Variants in DPP6 observed in about 807,000 individuals in gnomAD.
DPP6 encodes dipeptidyl peptidase like 6, also known as A-type potassium channel modulatory protein DPP6.
A neutral mutation model predicts 122.6 loss-of-function variants in DPP6; 69 were observed. The observed-to-expected ratio is 0.56, with a 90% CI of 0.46 to 0.69. DPP6 has a LOEUF of 0.69. Among genes scored for constraint, DPP6 ranks in the 30% least tolerant of loss-of-function variants. The probability of loss-of-function intolerance (pLI) is 0.00; values close to 1 mark genes in which losing one functional copy is unlikely to be tolerated. For missense variants in DPP6, 928 were observed against 1,116.9 expected (o/e 0.83, Z 2.41); for synonymous variants, 418 against 433.1 (o/e 0.97, Z 0.43).
chr7:154,709,054 T>A (rs2316238), intron 7 of DPP6, among the ~76,000 whole-genome samples: 114,099 of 151,214 alleles, frequency 0.75, 45,108 homozygotes, highest in Non-Finnish European at 0.88. Context: ...TCTCAAAAAA[T>A]AAATAAAAAT....
chr7:153,997,367 A>C (rs1354459678), intron 1 of DPP6, among the ~76,000 whole-genome samples: 1 of 152,080 alleles, frequency 6.6e-6, no homozygotes, highest in African/African-American at 2.4e-5. Context: ...TTTATTTTTA[A>C]ATATTCACTT....
At chr7:154,332,350 G>A (rs1809023366) in intron 1 of DPP6, among the ~76,000 whole-genome samples, 1 of 152,252 alleles carries the variant, frequency 6.6e-6, no homozygotes, top group Admixed American at 6.5e-5. Flanking sequence ...GGGATTACAA[G>A]CGTGAGCCAC....
At chr7:154,199,757 A>G (rs1413659776) in intron 1 of DPP6, among the ~76,000 whole-genome samples, 1 of 151,972 alleles carries the variant, frequency 6.6e-6, no homozygotes, top group Non-Finnish European at 1.5e-5. Context: ...TTACAGGCAC[A>G]CACCACCATG....
rs143939626 is a variant in DPP6, at chr7:153,952,383, T to C, written c.51+64649T>C. Among the ~76,000 whole-genome samples, 6 of 152,370 alleles carry C rather than the reference T, an allele frequency of 3.9e-5. No individual in the cohort carries two copies. The East Asian group carries it at 9.6e-4, about 25-fold the overall frequency. ...AAAGATTAAGAAACTGTTTCAAAGC[T>C]ATATAGGCTGCTGATACATCACTTA... On this transcript the variant is annotated intron_variant, in intron 1 of 25. Transcript: ENST00000404039.
At chr7:154,269,507 T>C (rs12703333) in intron 1 of DPP6, among the ~76,000 whole-genome samples, 75,359 of 151,922 alleles carry the variant, frequency 0.5, 19,103 homozygotes, top group African/African-American at 0.62. Context: ...TCCCAGTAGG[T>C]TTAGCCACAC....
In DPP6 at chr7:154,520,934, G is replaced by A. The variant is rs111714738; in HGVS notation, c.458-19598G>A. Reference sequence around the variant, plus strand: ...AGTAGCATGTACCGGACAATGCCTCGTATTCTACTGAAGAAATAGCCAGTG... The same window carrying A: ...AGTAGCATGTACCGGACAATGCCTCATATTCTACTGAAGAAATAGCCAGTG... On this transcript the variant is annotated intron_variant, in intron 3 of 25. Coordinates refer to ENST00000377770, the MANE Select transcript of DPP6 (RefSeq NM_130797.4). Among the ~76,000 whole-genome samples, 744 of 152,210 alleles carry A rather than the reference G, an allele frequency of 4.9e-3. 6 individuals carry two copies. The highest frequency in any genetic ancestry group is 0.017 in the African/African-American group (711 of 41,524).
chr7:154,091,742 C>T (rs1318526255), intron 1 of DPP6, among the ~76,000 whole-genome samples: 6 of 152,072 alleles, frequency 3.9e-5, no homozygotes, highest in African/African-American at 7.3e-5. Flanking sequence ...GGAGATAGGG[C>T]GGTGTCACTG....
chr7:154,432,724 G>A (rs1818530367), intron 1 of DPP6, among the ~76,000 whole-genome samples: 1 of 152,030 alleles, frequency 6.6e-6, no homozygotes, highest in African/African-American at 2.4e-5. Context: ...GCTGAGCGTG[G>A]GTTTCAAATT....
intron 7 of DPP6, among the ~76,000 whole-genome samples, chr7:154,721,370 C>T (rs779673090): frequency 1.3e-5 from 2 of 152,160 alleles, no homozygotes; most frequent in Non-Finnish European, 2.9e-5. Flanking sequence ...CTTAACAGCT[C>T]TGTGCTCCTG....
the DPP6 span, among the ~76,000 whole-genome samples, chr7:153,809,661 A>G: frequency 6.6e-6 from 1 of 151,994 alleles, no homozygotes; most frequent in Non-Finnish European, 1.5e-5. Flanking sequence ...TGATCACCTA[A>G]ATATAATGAC....
At chr7:153,875,231 A>G in the DPP6 span, among the ~76,000 whole-genome samples, 1 of 152,210 alleles carries the variant, frequency 6.6e-6, no homozygotes, top group Non-Finnish European at 1.5e-5. Flanking sequence ...AATGAAAATA[A>G]ATGCCAAAAT....
chr7:154,757,466 G>C (rs1023848541), intron 8 of DPP6, among the ~76,000 whole-genome samples: 6 of 152,238 alleles, frequency 3.9e-5, no homozygotes, highest in African/African-American at 1.4e-4. Flanking sequence ...AACCAAGATG[G>C]GATCAATAGT....
chr7:154,406,542 C>T (rs1215625278), intron 1 of DPP6, among the ~76,000 whole-genome samples: 1 of 151,982 alleles, frequency 6.6e-6, no homozygotes, highest in Non-Finnish European at 1.5e-5. Flanking sequence ...CACACACGCA[C>T]CTGCACACAC....
chr7:154,564,819 G>A (rs1352606352), intron 4 of DPP6, among the ~76,000 whole-genome samples: 1 of 152,192 alleles, frequency 6.6e-6, no homozygotes, highest in East Asian at 1.9e-4. Context: ...GAAGATTCGA[G>A]TTGTCCAATG....
At chr7:153,875,469 A>G in the DPP6 span, among the ~76,000 whole-genome samples, 1 of 152,034 alleles carries the variant, frequency 6.6e-6, no homozygotes, top group Non-Finnish European at 1.5e-5. Flanking sequence ...ATTGTACAAA[A>G]CAATGATTAG....
chr7:154,565,772 G>T (rs551044776), intron 4 of DPP6, among the ~76,000 whole-genome samples: 2 of 152,068 alleles, frequency 1.3e-5, no homozygotes, highest in Admixed American at 6.6e-5. Context: ...TGATCCACCC[G>T]CCTCGGCCTC....
At chr7:153,899,850 T>C (rs1799568237) in intron 1 of DPP6, among the ~76,000 whole-genome samples, 2 of 152,264 alleles carry the variant, frequency 1.3e-5, no homozygotes, top group Non-Finnish European at 2.9e-5. Context: ...AGCTGAACTT[T>C]GCTTCTTTCT....
intron 1 of DPP6, among the ~76,000 whole-genome samples, chr7:154,406,474 C>T (rs547594471): frequency 3.4e-5 from 5 of 149,226 alleles, no homozygotes; most frequent in East Asian, 4.0e-4. Flanking sequence ...CACACGCACA[C>T]GCATACACAC....
chr7:154,523,479 A>G (rs775277988), intron 3 of DPP6, among the ~76,000 whole-genome samples: 1 of 152,206 alleles, frequency 6.6e-6, no homozygotes, highest in Non-Finnish European at 1.5e-5. Flanking sequence ...ACATCATTGT[A>G]TCTGACAAAA....
Sources: allele counts gnomAD v4.1 joint callset (sites outside exome capture counted in the v4.1 genomes callset), GRCh38; gene constraint gnomAD v4.1.1; transcripts MANE v1.5; gene names NCBI Gene and HGNC (gene_info 2026-07-23, HGNC 2026-07-21).